RFT1: variants seen among roughly 807,000 people sequenced by gnomAD.
RFT1 encodes the protein RFT1 glycolipid translocator homolog, also known as man(5)GlcNAc(2)-PP-dolichol translocation protein RFT1.
In RFT1, 43 loss-of-function variants were observed where a neutral mutation model predicts 62.2. The observed-to-expected ratio is 0.69, with a 90% CI of 0.54 to 0.89. RFT1 has a LOEUF of 0.89. RFT1 is among the 40% of genes least tolerant of loss of function. RFT1 has a pLI of 0.00. For synonymous variants in RFT1, 262 were observed against 264.6 expected (o/e 0.99, Z 0.10); for missense variants, 605 against 649.9 (o/e 0.93, Z 0.75).
chr3:53,078,380 T>C, the RFT1 span, among the ~76,000 whole-genome samples: 1 of 152,174 alleles, frequency 6.6e-6, no homozygotes, highest in Admixed American at 6.5e-5. Flanking sequence ...TGTAATTAAA[T>C]AGCAAGAAAT....
At chr3:53,069,440 GA>G in the RFT1 span, among the ~76,000 whole-genome samples, 1 of 151,940 alleles carries the variant, frequency 6.6e-6, no homozygotes, top group Non-Finnish European at 1.5e-5. Flanking sequence ...ATCTACAAAT[GA>G]ATAAGGAAAA....
chr3:53,092,618 C>T lies in RFT1; in HGVS notation c.1209G>A (p.Arg403=). 1 of 1,610,432 alleles carries T rather than the reference C, an allele frequency of 6.2e-7. No homozygotes were observed. Among genetic ancestry groups the T allele is most frequent in the Non-Finnish European group, 8.5e-7 (1 of 1,178,590 alleles). The change falls in exon 12 of 13, where the codon AGG becomes AGA. Residue 403 remains arginine (R), a splice_region_variant and synonymous_variant. Transcript: ENST00000296292. ...FAAMSKEEVD[R]YNFVMLALSS... ...ACAGGGCCAGCATCACAAAATTGTACCTGGGGAGGAGACAGGAAAAGGAGG... is the reference window on the plus strand; with the variant it reads ...ACAGGGCCAGCATCACAAAATTGTATCTGGGGAGGAGACAGGAAAAGGAGG...
chr3:53,103,726 C>T, intron 10 of RFT1: 1 of 570,870 alleles, frequency 1.8e-6, no homozygotes, highest in African/African-American at 1.9e-5. Context: ...AATAACTTCT[C>T]CAAGTGAGGC....
chr3:53,103,264 G>A (rs767926365), intron 10 of RFT1: 11 of 985,206 alleles, frequency 1.1e-5, no homozygotes, highest in Non-Finnish European at 1.1e-5. Flanking sequence ...CTTGTCCAGC[G>A]ACCTGAGAAA....
At position 53,091,663 on chromosome 3, in the gene RFT1, A is replaced by G. The variant is rs534506262; in HGVS notation, c.*240T>C. 1.4e-3 allele frequency: 782 copies of G among 551,204 alleles called. 25 individuals carry two copies. In the South Asian group the frequency reaches 0.016, roughly 11 times the overall value. 34.1% of individuals were successfully genotyped at this position (551,204 alleles called of 1,614,324 possible). ...AAAATGCTGATTACTATAAAATGAT[A>G]AAAAACTATTATTTTTAAAGGGCTT... On this transcript the variant is annotated 3_prime_UTR_variant, in exon 13 of 13. Coordinates refer to ENST00000296292, the MANE Select transcript of RFT1 (RefSeq NM_052859.4).
chr3:53,092,547 CCA>C lies in RFT1; in HGVS notation c.1278_1279del (p.Cys426TrpfsTer12). The C allele has an allele frequency of 6.2e-7, 1 of 1,612,580 alleles. No individual in the cohort carries two copies. The highest frequency in any genetic ancestry group is 8.5e-7 in the Non-Finnish European group (1 of 1,179,594). On this transcript the variant is annotated frameshift_variant, in exon 12 of 13. Transcript: ENST00000296292. LOFTEE classifies it high-confidence loss of function. ...GTTGGCCAAGATGAAGCCCACGCTG[CCA>C]CACCAACGGGTCAAGAGATAGGATA...
the RFT1 span, among the ~76,000 whole-genome samples, chr3:53,082,585 CCA>C: frequency 6.6e-6 from 1 of 152,160 alleles, no homozygotes; most frequent in African/African-American, 2.4e-5. Flanking sequence ...GGGGTTGACC[CCA>C]GTTGTGTGGC....
intron 6 of RFT1, among the ~76,000 whole-genome samples, chr3:53,112,686 T>C (rs1375992155): frequency 6.6e-6 from 1 of 152,194 alleles, no homozygotes; most frequent in East Asian, 1.9e-4. Context: ...GAGGTTGCAG[T>C]GAGCCAAGAT....
At chr3:53,096,576 G>A (rs1422961430) in intron 11 of RFT1, among the ~76,000 whole-genome samples, 3 of 151,748 alleles carry the variant, frequency 2.0e-5, no homozygotes, top group Non-Finnish European at 2.9e-5. Context: ...CCAGCTAATC[G>A]GGAGGCTGAG....
chr3:53,069,222 G>C, the RFT1 span, among the ~76,000 whole-genome samples: 1 of 152,350 alleles, frequency 6.6e-6, no homozygotes, highest in African/African-American at 2.4e-5. Flanking sequence ...TTATAGGTGT[G>C]AGCCACTGTG....
chr3:53,112,881 A>C (rs1394455565), intron 6 of RFT1, among the ~76,000 whole-genome samples: 1 of 152,138 alleles, frequency 6.6e-6, no homozygotes, highest in African/African-American at 2.4e-5. Context: ...CACAAAATGG[A>C]AGAGCAAGGC....
At position 53,130,078 on chromosome 3, in the gene RFT1, C is replaced by T. The variant is rs9868263; in HGVS notation, c.63+260G>A. 0.26 allele frequency among the ~76,000 whole-genome samples: 39,550 copies of T among 152,126 alleles called. 5,516 individuals carry two copies. Among genetic ancestry groups the T allele is most frequent in the Middle Eastern group, 0.41 (121 of 292 alleles). On this transcript the variant is annotated intron_variant, in intron 1 of 12. Transcript: ENST00000296292. Reference sequence around the variant, plus strand: ...CACCTGATCTAATTCACTCCTACTGCCATATGGGAAATAGAATGCTCAGAA... The same window carrying T: ...CACCTGATCTAATTCACTCCTACTGTCATATGGGAAATAGAATGCTCAGAA...
At chr3:53,118,287 C>G (rs1201814440) in intron 6 of RFT1, among the ~76,000 whole-genome samples, 1 of 152,166 alleles carries the variant, frequency 6.6e-6, no homozygotes, top group Admixed American at 6.5e-5. Context: ...GGAAGAAGAA[C>G]TCTTCTGCAC....
At chr3:53,080,823 C>G in the RFT1 span, among the ~76,000 whole-genome samples, 2 of 152,010 alleles carry the variant, frequency 1.3e-5, no homozygotes, top group Non-Finnish European at 2.9e-5. Context: ...GGTAGGGTAG[C>G]AGGGTAGCTG....
At chr3:53,067,567 T>C in the RFT1 span, among the ~76,000 whole-genome samples, 2 of 152,066 alleles carry the variant, frequency 1.3e-5, no homozygotes, top group Non-Finnish European at 2.9e-5. Flanking sequence ...GGGGTCACGG[T>C]TACACAGGTG....
intron 6 of RFT1, among the ~76,000 whole-genome samples, chr3:53,115,291 C>T (rs1429403104): frequency 6.6e-6 from 1 of 152,118 alleles, no homozygotes; most frequent in Non-Finnish European, 1.5e-5. Flanking sequence ...TTGGCTTTCT[C>T]ATCTGCAAAA....
chr3:53,129,969 G>C (rs1316914821), intron 1 of RFT1, among the ~76,000 whole-genome samples: 1 of 152,172 alleles, frequency 6.6e-6, no homozygotes, highest in Non-Finnish European at 1.5e-5. Context: ...CAAAGTTTGA[G>C]GAAGGTGTTT....
chr3:53,103,976 C>T lies in RFT1; in HGVS notation c.1079G>A (p.Gly360Glu). The T allele has an allele frequency of 6.2e-7, 1 of 1,614,164 alleles. No individual in the cohort carries two copies. Reference protein sequence around the residue: ...YSQLALDIYGGTMLSSGSGPV... With the variant: ...YSQLALDIYGETMLSSGSGPV... ...ACCGGATCCTGAGCTAAGCATGGTCCCTCCGTAGATATCCAGAGCCAGCTG... is the reference window on the plus strand; with the variant it reads ...ACCGGATCCTGAGCTAAGCATGGTCTCTCCGTAGATATCCAGAGCCAGCTG... Residue 360 changes from glycine (G) to glutamate (E), a missense_variant, in exon 10 of 13, where the codon GGG (glycine) becomes GAG (glutamate). Physicochemically the swap from Gly to Glu is moderately conservative, Grantham distance 98. Coordinates refer to ENST00000296292, the MANE Select transcript of RFT1 (RefSeq NM_052859.4).
chr3:53,086,006 T>C (rs1700845887), downstream of RFT1, among the ~76,000 whole-genome samples: 1 of 152,242 alleles, frequency 6.6e-6, no homozygotes, highest in African/African-American at 2.4e-5. Flanking sequence ...GGACTGATTA[T>C]GCCAAGGTAA....
Sources: allele counts gnomAD v4.1 joint callset (sites outside exome capture counted in the v4.1 genomes callset), GRCh38; gene constraint gnomAD v4.1.1; transcripts MANE v1.5; gene names NCBI Gene and HGNC (gene_info 2026-07-23, HGNC 2026-07-21).